Variants in SPAG16 observed in about 807,000 individuals in gnomAD.
SPAG16 encodes the protein sperm associated antigen 16.
SPAG16 carries 86 observed loss-of-function variants against 80.4 expected under a neutral mutation model. The ratio of observed to expected loss-of-function variants is 1.07; its 90% confidence interval spans 0.90 to 1.28. The LOEUF (loss-of-function observed/expected upper bound fraction) is 1.28. SPAG16 is among the 50% of genes most tolerant of loss of function. The pLI, the probability that SPAG16 is intolerant of heterozygous loss-of-function variation, is 0.00. For missense variants in SPAG16, 870 were observed against 765.3 expected, an observed-to-expected ratio of 1.14 and a Z score of -1.61; for synonymous variants, 294 against 265.9, an observed-to-expected ratio of 1.11 and a Z score of -1.03.
chr2:213,333,372 G>A (rs1348371653), intron 5 of SPAG16, among the ~76,000 whole-genome samples: 1 of 152,072 alleles, frequency 6.6e-6, no homozygotes, highest in Non-Finnish European at 1.5e-5. Context: ...AACATGGAAA[G>A]ACATTACATG....
chr2:214,183,987 T>C (rs1394999268), intron 15 of SPAG16, among the ~76,000 whole-genome samples: 1 of 152,056 alleles, frequency 6.6e-6, no homozygotes, highest in East Asian at 1.9e-4. Context: ...TCCATGCTAT[T>C]CTAACTGTGG....
At chr2:214,333,970 C>T (rs1401522023) in intron 15 of SPAG16, among the ~76,000 whole-genome samples, 1 of 152,164 alleles carries the variant, frequency 6.6e-6, no homozygotes, top group Non-Finnish European at 1.5e-5. Flanking sequence ...TATATTATTC[C>T]ATTCTTCCAG....
intron 9 of SPAG16, among the ~76,000 whole-genome samples, chr2:213,384,480 G>C (rs2067325046): frequency 6.6e-6 from 1 of 152,128 alleles, no homozygotes; most frequent in Admixed American, 6.6e-5. Flanking sequence ...AGATGGTGGA[G>C]GGTGAGAGTT....
At chr2:213,899,671 A>G (rs1381943436) in intron 11 of SPAG16, among the ~76,000 whole-genome samples, 2 of 152,056 alleles carry the variant, frequency 1.3e-5, no homozygotes, top group Non-Finnish European at 2.9e-5. Context: ...TATATGAGAA[A>G]CAGAGGCACT....
Position 213,866,631 on chromosome 2 carries a change from A to T in SPAG16, c.1214+4003A>T, listed in dbSNP as rs567460402. On this transcript the variant is annotated intron_variant, in intron 11 of 15. Coordinates refer to ENST00000331683, the MANE Select transcript of SPAG16 (RefSeq NM_024532.5). ...TCTGCCAGGTGAATGTCAAACCTGG[A>T]TGCCATGAAGCTTAATGAGTCAAAA... is the stretch of plus-strand genomic sequence containing the variant. Among the ~76,000 whole-genome samples the T allele has an allele frequency of 9.2e-4, 138 of 150,496 alleles. 1 individual carries two copies. Among genetic ancestry groups the T allele is most frequent in the African/African-American group, 3.2e-3 (129 of 39,866 alleles).
chr2:213,673,279 A>G (rs80170829), intron 10 of SPAG16, among the ~76,000 whole-genome samples: 1,663 of 152,284 alleles, frequency 0.011, 32 homozygotes, highest in African/African-American at 0.037. Flanking sequence ...TAGAAATAAA[A>G]CATCTAAAAA....
At chr2:214,122,824 G>A (rs1342662294) in intron 14 of SPAG16, among the ~76,000 whole-genome samples, 1 of 151,674 alleles carries the variant, frequency 6.6e-6, no homozygotes, top group Admixed American at 6.6e-5. Flanking sequence ...CACTAAAGCA[G>A]GTTCTGTCTA....
chr2:214,059,228 A>ATGTATG (rs1474105453), intron 13 of SPAG16, among the ~76,000 whole-genome samples: 45 of 117,688 alleles, frequency 3.8e-4, no homozygotes, highest in Non-Finnish European at 6.0e-4. Flanking sequence ...ATGTGTATAT[A>ATGTATG]TATATATATA....
At chr2:214,203,752 A>G (rs1258451243) in intron 15 of SPAG16, among the ~76,000 whole-genome samples, 1 of 152,158 alleles carries the variant, frequency 6.6e-6, no homozygotes, top group African/African-American at 2.4e-5. Flanking sequence ...CTGGAAAAAG[A>G]CCACAGGAAG....
At chr2:213,643,384 ATATATATATATATATATATATATATATT>A (rs1559337905) in intron 10 of SPAG16, among the ~76,000 whole-genome samples, 20 of 72,164 alleles carry the variant, frequency 2.8e-4, no homozygotes, top group Non-Finnish European at 4.9e-4. Flanking sequence ...ATATATATAT[ATATATATATATATATATATATATATATT>A]TTATCTCTTG....
intron 13 of SPAG16, among the ~76,000 whole-genome samples, chr2:214,094,922 G>A (rs2052480469): frequency 6.6e-6 from 1 of 151,996 alleles, no homozygotes; most frequent in African/African-American, 2.4e-5. Flanking sequence ...GCCGGTTTCT[G>A]GACGTCAGAT....
intron 10 of SPAG16, among the ~76,000 whole-genome samples, chr2:213,802,395 C>CTCTATCTATCTATCTATCTATCTA (rs58879510): frequency 6.8e-6 from 1 of 148,020 alleles, no homozygotes; most frequent in Non-Finnish European, 1.5e-5. Flanking sequence ...TGATTCATGT[C>CTCTATCTATCTATCTATCTATCTA]TCTATCTATC....
chr2:214,393,151 C>T (rs577263330), intron 15 of SPAG16, among the ~76,000 whole-genome samples: 1 of 152,254 alleles, frequency 6.6e-6, no homozygotes, highest in South Asian at 2.1e-4. Context: ...GCACAAATAT[C>T]TTGTATGAAA....
At chr2:213,650,100 A>G (rs1339640884) in intron 10 of SPAG16, among the ~76,000 whole-genome samples, 1 of 152,128 alleles carries the variant, frequency 6.6e-6, no homozygotes, top group Non-Finnish European at 1.5e-5. Flanking sequence ...TTACATTATT[A>G]TATTCATATG....
intron 10 of SPAG16, among the ~76,000 whole-genome samples, chr2:213,669,056 A>C (rs2063721022): frequency 6.6e-6 from 1 of 152,242 alleles, no homozygotes; most frequent in Non-Finnish European, 1.5e-5. Context: ...AAAAATACTT[A>C]TGATTTTCGT....
chr2:214,026,828 T>C (rs929439007), intron 13 of SPAG16, among the ~76,000 whole-genome samples: 5 of 151,532 alleles, frequency 3.3e-5, no homozygotes, highest in Non-Finnish European at 7.4e-5. Flanking sequence ...CTCTTAATTA[T>C]GTACTATACA....
intron 12 of SPAG16, among the ~76,000 whole-genome samples, chr2:214,010,401 C>T (rs1406687775): frequency 1.4e-5 from 2 of 146,594 alleles, no homozygotes; most frequent in African/African-American, 5.3e-5. Context: ...AAAAAAGTCA[C>T]AGGGGAAGAA....
At chr2:214,127,280 C>T (rs2054541042) in intron 14 of SPAG16, among the ~76,000 whole-genome samples, 1 of 151,808 alleles carries the variant, frequency 6.6e-6, no homozygotes, top group Non-Finnish European at 1.5e-5. Flanking sequence ...CCCTGGTTTA[C>T]TATTTCAAGT....
intron 10 of SPAG16, among the ~76,000 whole-genome samples, chr2:213,543,955 T>G (rs1415708356): frequency 6.6e-6 from 1 of 152,106 alleles, no homozygotes; most frequent in Admixed American, 6.5e-5. Flanking sequence ...TTGATCTCTT[T>G]CAAGCCTTTT....
Sources: gnomAD v4.1 joint callset for allele counts (sites outside exome capture counted in the v4.1 genomes callset) on GRCh38, gnomAD v4.1.1 for gene constraint, MANE v1.5 for transcripts, NCBI Gene and HGNC (gene_info 2026-07-23, HGNC 2026-07-21) for gene names.